The following NCKAP5 variants were observed in gnomAD, a reference collection of about 807,000 sequenced individuals.
NCKAP5 encodes NCK associated protein 5.
A neutral mutation model predicts 167.0 loss-of-function variants in NCKAP5; 92 were observed. The observed-to-expected ratio is 0.55, with a 90% confidence interval of 0.47 to 0.66. The LOEUF is 0.66. Ranked by LOEUF, NCKAP5 falls within the 30% of genes least tolerant of loss-of-function variation. The pLI, the probability that NCKAP5 is intolerant of heterozygous loss-of-function variation, is 0.00. For missense variants in NCKAP5, 2,378 were observed against 2,315.0 expected (o/e 1.03, Z -0.56); for synonymous variants, 891 against 877.4 (o/e 1.02, Z -0.27).
intron 5 of NCKAP5, among the ~76,000 whole-genome samples, chr2:133,196,294 A>G (rs2085433870): frequency 6.6e-6 from 1 of 152,140 alleles, no homozygotes; most frequent in South Asian, 2.1e-4. Flanking sequence ...CCTGAGGTAT[A>G]TATCTGGGCT....
chr2:132,778,435 ATT>A (rs1252564683), intron 15 of NCKAP5, among the ~76,000 whole-genome samples: 2 of 152,106 alleles, frequency 1.3e-5, no homozygotes, highest in African/African-American at 4.8e-5. Flanking sequence ...ACACATGTGG[ATT>A]TGTTATATGT....
chr2:133,665,144 T>C, the NCKAP5 span, among the ~76,000 whole-genome samples: 3 of 152,344 alleles, frequency 2.0e-5, no homozygotes, highest in South Asian at 6.2e-4. Context: ...TTTGGTGTTA[T>C]TCATTGTCCA....
At chr2:132,928,646 C>T (rs1299337108) in intron 8 of NCKAP5, among the ~76,000 whole-genome samples, 1 of 152,104 alleles carries the variant, frequency 6.6e-6, no homozygotes, top group African/African-American at 2.4e-5. Context: ...AAATGAGCTA[C>T]CAGAGGAATT....
At chr2:133,294,155 T>C (rs1431601143) in intron 4 of NCKAP5, among the ~76,000 whole-genome samples, 1 of 152,210 alleles carries the variant, frequency 6.6e-6, no homozygotes, top group Non-Finnish European at 1.5e-5. Context: ...CTTGAGGGAT[T>C]TAAAAAACAA....
Position 133,451,035 on chromosome 2 carries a change from T to C in NCKAP5, c.69+66423A>G, listed in dbSNP as rs552614708. Reference sequence around the variant, plus strand: ...CCAACCTGGAAGCTGTGAATGTGACTTTATTTGGAAATAGGGTCTTTGTAG... The same window carrying C: ...CCAACCTGGAAGCTGTGAATGTGACCTTATTTGGAAATAGGGTCTTTGTAG... On this transcript the variant is annotated intron_variant, in intron 3 of 19. Coordinates refer to ENST00000409261, the MANE Select transcript of NCKAP5 (RefSeq NM_207363.3). Among the ~76,000 whole-genome samples, 301 of 152,292 alleles carry C rather than the reference T, an allele frequency of 2.0e-3. 1 individual carries two copies. The highest frequency in any genetic ancestry group is 6.9e-3 in the African/African-American group (288 of 41,572).
chr2:133,660,851 G>A, the NCKAP5 span, among the ~76,000 whole-genome samples: 1 of 151,740 alleles, frequency 6.6e-6, no homozygotes, highest in African/African-American at 2.4e-5. Context: ...TTGCTCATAC[G>A]CCTTTTGAAC....
chr2:133,163,581 T>C (rs1193939036), intron 5 of NCKAP5, among the ~76,000 whole-genome samples: 1 of 152,210 alleles, frequency 6.6e-6, no homozygotes, highest in African/African-American at 2.4e-5. Flanking sequence ...CCTTTTGGTA[T>C]TGGAACTCAA....
At chr2:133,063,780 G>T (rs2080091353) in intron 6 of NCKAP5, among the ~76,000 whole-genome samples, 1 of 152,118 alleles carries the variant, frequency 6.6e-6, no homozygotes, top group African/African-American at 2.4e-5. Context: ...ACCAACTTTT[G>T]ACTCTTCCTG....
chr2:133,122,159 A>T (rs1266369394), intron 6 of NCKAP5: 1 of 152,202 alleles, frequency 6.6e-6, no homozygotes, highest in East Asian at 1.9e-4. Context: ...TGGTAGTTAC[A>T]TGAGGGTCAA....
chr2:132,703,844 T>C (rs1175347150), intron 19 of NCKAP5, among the ~76,000 whole-genome samples: 2 of 152,350 alleles, frequency 1.3e-5, no homozygotes, highest in South Asian at 2.1e-4. Flanking sequence ...ACATATTTCA[T>C]AATGTTTGAA....
chr2:133,002,346 G>T (rs2077815160), intron 6 of NCKAP5, among the ~76,000 whole-genome samples: 2 of 152,158 alleles, frequency 1.3e-5, no homozygotes, highest in Non-Finnish European at 2.9e-5. Flanking sequence ...GGCACACTAA[G>T]AAATCAACAA....
At chr2:132,720,432 GC>G in intron 19 of NCKAP5, among the ~76,000 whole-genome samples, 1 of 152,316 alleles carries the variant, frequency 6.6e-6, no homozygotes, top group South Asian at 2.1e-4. Flanking sequence ...GAACCCAGAG[GC>G]AGGGTTTTAG....
At chr2:133,328,451 GA>G (rs1439999871) in intron 3 of NCKAP5, among the ~76,000 whole-genome samples, 1 of 152,172 alleles carries the variant, frequency 6.6e-6, no homozygotes, top group Non-Finnish European at 1.5e-5. Context: ...GGGGAAAGCC[GA>G]AGACTCAACT....
chr2:133,436,319 G>A (rs1690477089), intron 3 of NCKAP5, among the ~76,000 whole-genome samples: 1 of 152,124 alleles, frequency 6.6e-6, no homozygotes, highest in Non-Finnish European at 1.5e-5. Flanking sequence ...TAGAGACCAG[G>A]CATCACCATT....
intron 5 of NCKAP5, among the ~76,000 whole-genome samples, chr2:133,164,062 G>T (rs1432589189): frequency 6.6e-6 from 1 of 152,122 alleles, no homozygotes. Context: ...GAAGTGAGAC[G>T]CAGCAAACAG....
At chr2:133,559,273 T>C (rs1013110815) in intron 1 of NCKAP5, among the ~76,000 whole-genome samples, 156 bp from the exon 2 acceptor site, 27 of 152,120 alleles carry the variant, frequency 1.8e-4, no homozygotes, top group African/African-American at 6.5e-4. Flanking sequence ...TATGAGACAA[T>C]ATGAATAGAA....
intron 8 of NCKAP5, among the ~76,000 whole-genome samples, chr2:132,946,543 G>A (rs1306450767): frequency 2.6e-5 from 4 of 152,042 alleles, no homozygotes; most frequent in Non-Finnish European, 4.4e-5. Flanking sequence ...AGCTGACAAG[G>A]AAATGAAAAC....
chr2:133,526,370 C>T (rs1271909314), intron 2 of NCKAP5, among the ~76,000 whole-genome samples: 1 of 150,276 alleles, frequency 6.7e-6, no homozygotes, highest in African/African-American at 2.5e-5. Context: ...TCAAGGAGAC[C>T]TAAAATGTAA....
chr2:133,637,476 C>CAAAAAAAAAAAAAAAAAAAAAAAAAAA, the NCKAP5 span, among the ~76,000 whole-genome samples: 1 of 31,672 alleles, frequency 3.2e-5, no homozygotes, highest in Non-Finnish European at 5.0e-5. Flanking sequence ...TGGTATTTTC[C>CAAAAAAAAAAAAAAAAAAAAAAAAAAA]AAAAAAAAAA....
Sources: allele counts gnomAD v4.1 joint callset (sites outside exome capture counted in the v4.1 genomes callset), GRCh38; gene constraint gnomAD v4.1.1; transcripts MANE v1.5; gene names NCBI Gene and HGNC (gene_info 2026-07-23, HGNC 2026-07-21).